The following CHN2 variants were observed in gnomAD, a reference collection of about 807,000 sequenced individuals.
CHN2 encodes beta-chimaerin.
Under a neutral mutation model 56.3 loss-of-function variants are expected in CHN2, and 35 were observed. That is an observed-to-expected ratio of 0.62 (90% confidence interval 0.47 to 0.82). The LOEUF is 0.82. Among genes scored for constraint, CHN2 ranks in the 40% least tolerant of loss-of-function variants. The pLI, the probability that CHN2 is intolerant of heterozygous loss-of-function variation, is 0.00. For missense variants in CHN2, 491 were observed against 580.5 expected (o/e 0.85, Z 1.58); for synonymous variants, 210 against 212.8 (o/e 0.99, Z 0.12).
chr7:29,316,791 A>C (rs1794985750), intron 1 of CHN2, among the ~76,000 whole-genome samples: 1 of 152,112 alleles, frequency 6.6e-6, no homozygotes, highest in South Asian at 2.1e-4. Context: ...TTTCTAGAGT[A>C]TGGAGTCTGT....
chr7:29,262,228 G>A (rs1195254641), intron 1 of CHN2, among the ~76,000 whole-genome samples: 1 of 152,164 alleles, frequency 6.6e-6, no homozygotes, highest in East Asian at 1.9e-4. Context: ...GGTCTCTTCT[G>A]TGTATCACAG....
chr7:29,476,030 T>C (rs1562637591), intron 6 of CHN2, among the ~76,000 whole-genome samples: 1 of 152,148 alleles, frequency 6.6e-6, no homozygotes, highest in Non-Finnish European at 1.5e-5. Context: ...AAATGGTAAA[T>C]TTTATGTTAA....
chr7:29,206,576 G>A (rs1784538125), intron 1 of CHN2, among the ~76,000 whole-genome samples: 1 of 152,120 alleles, frequency 6.6e-6, no homozygotes, highest in Non-Finnish European at 1.5e-5. Context: ...CACCGCGCCT[G>A]GCCTAGAAAT....
intron 5 of CHN2, among the ~76,000 whole-genome samples, chr7:29,399,451 T>C (rs1251969101): frequency 1.3e-5 from 2 of 152,140 alleles, no homozygotes; most frequent in East Asian, 1.9e-4. Flanking sequence ...TACCACAAAA[T>C]CACAAGTATT....
chr7:29,324,640 C>T (rs1795662733), intron 1 of CHN2, among the ~76,000 whole-genome samples: 1 of 150,230 alleles, frequency 6.7e-6, no homozygotes, highest in Non-Finnish European at 1.5e-5. Flanking sequence ...CAGAAAGTTA[C>T]ATCTATCTCT....
chr7:29,355,664 A>T (rs1725205095), intron 2 of CHN2, among the ~76,000 whole-genome samples: 1 of 150,854 alleles, frequency 6.6e-6, no homozygotes, highest in South Asian at 2.1e-4. Context: ...TAGCATTCCT[A>T]ACGAAGCTGC....
intron 1 of CHN2, among the ~76,000 whole-genome samples, chr7:29,213,910 C>T (rs1436277968): frequency 6.6e-6 from 1 of 152,120 alleles, no homozygotes; most frequent in African/African-American, 2.4e-5. Context: ...TACTGCATTA[C>T]TGTAATCTTT....
chr7:29,244,871 C>T (rs1787950420), intron 1 of CHN2, among the ~76,000 whole-genome samples: 1 of 152,164 alleles, frequency 6.6e-6, no homozygotes, highest in Admixed American at 6.5e-5. Flanking sequence ...ATCCCAGGCC[C>T]CATCACCTGT....
At chr7:29,430,359 A>C (rs1782750710) in intron 6 of CHN2, among the ~76,000 whole-genome samples, 1 of 152,190 alleles carries the variant, frequency 6.6e-6, no homozygotes. Flanking sequence ...AGACAAATTA[A>C]ATTTAACGCA....
chr7:29,438,866 G>A (rs562526891), intron 6 of CHN2, among the ~76,000 whole-genome samples: 1 of 152,274 alleles, frequency 6.6e-6, no homozygotes, highest in East Asian at 1.9e-4. Context: ...GTACATTGTA[G>A]AAACAATTGT....
chr7:29,285,238 C>T (rs1290847482), intron 1 of CHN2, among the ~76,000 whole-genome samples: 1 of 152,186 alleles, frequency 6.6e-6, no homozygotes, highest in Non-Finnish European at 1.5e-5. Flanking sequence ...ACCGTAATTC[C>T]CACTATTGGT....
At position 29,194,809 on chromosome 7, in the gene CHN2, T is replaced by C; in HGVS notation, c.-133T>C. 2 of 693,750 alleles carry C rather than the reference T, an allele frequency of 2.9e-6. No homozygotes were observed. The highest frequency in any genetic ancestry group is 4.2e-6 in the Non-Finnish European group (2 of 476,344). 43.0% of individuals were successfully genotyped at this position (693,750 alleles called of 1,614,324 possible). On this transcript the variant is annotated 5_prime_UTR_variant, in exon 1 of 13. Transcript: ENST00000222792. The stretch of plus-strand genomic sequence containing the variant: ...GGAAGTGCAGGCAGAGTCCGGAGGC[T>C]GGTGCTTTCTGCGCGTCCCCAGGAC...
intron 6 of CHN2, among the ~76,000 whole-genome samples, chr7:29,466,624 T>C (rs1041533826): frequency 6.6e-6 from 1 of 152,182 alleles, no homozygotes; most frequent in African/African-American, 2.4e-5. Flanking sequence ...CCTTAATACC[T>C]GCTAGATTAA....
intron 6 of CHN2, among the ~76,000 whole-genome samples, chr7:29,412,619 G>A (rs143233418): frequency 9.4e-4 from 143 of 152,196 alleles, no homozygotes; most frequent in African/African-American, 3.1e-3. Flanking sequence ...GTGAGCCACC[G>A]CGCCAGGACA....
At chr7:29,291,111 A>T (rs1215769725) in intron 1 of CHN2, among the ~76,000 whole-genome samples, 2 of 152,164 alleles carry the variant, frequency 1.3e-5, no homozygotes, top group African/African-American at 2.4e-5. Context: ...ACCCATGCTC[A>T]CTTGAGGTGC....
chr7:29,314,201 T>C (rs1794796009), intron 1 of CHN2, among the ~76,000 whole-genome samples: 1 of 152,222 alleles, frequency 6.6e-6, no homozygotes, highest in Non-Finnish European at 1.5e-5. Context: ...AATAGAATGT[T>C]ATTCAGCCTT....
chr7:29,307,213 CTT>C (rs1452089256), intron 1 of CHN2, among the ~76,000 whole-genome samples: 6 of 152,188 alleles, frequency 3.9e-5, no homozygotes, highest in Non-Finnish European at 7.3e-5. Context: ...TCTGCAGCCT[CTT>C]TTATACATTT....
At chr7:29,485,680 G>A (rs565772267) in intron 7 of CHN2, among the ~76,000 whole-genome samples, 1 of 152,184 alleles carries the variant, frequency 6.6e-6, no homozygotes, top group Admixed American at 6.5e-5. Context: ...TGCCAGGAGC[G>A]AATAAGGTGC....
Position 29,429,574 on chromosome 7 carries a change from C to T in CHN2, c.576+28746C>T, listed in dbSNP as rs568894499. ...TTTTTGGAACAAAGCATGAGTTACA[C>T]ACACACAGACACACACACACACCCA... On this transcript the variant is annotated intron_variant, in intron 6 of 12. Transcript: ENST00000222792. Among the ~76,000 whole-genome samples the T allele has an allele frequency of 2.4e-5, 3 of 122,568 alleles. No individual in the cohort carries two copies. The South Asian group carries it at 7.9e-4, about 32-fold the overall frequency. 80.4% of individuals were successfully genotyped at this position (122,568 alleles called of 152,430 possible). A position where few individuals can be genotyped will look rare whatever the true frequency, so the allele number is the denominator to read the frequency against.
Sources: allele counts gnomAD v4.1 joint callset (sites outside exome capture counted in the v4.1 genomes callset), GRCh38; gene constraint gnomAD v4.1.1; transcripts MANE v1.5; gene names NCBI Gene and HGNC (gene_info 2026-07-23, HGNC 2026-07-21).